FOCAD: variants seen among roughly 807,000 people sequenced by gnomAD.
The protein encoded by FOCAD is focadhesin.
A neutral mutation model predicts 225.6 loss-of-function variants in FOCAD; 198 were observed. The observed-to-expected ratio is 0.88, with a 90% confidence interval of 0.78 to 0.99. The LOEUF (loss-of-function observed/expected upper bound fraction) is 0.99. FOCAD is among the 50% of genes least tolerant of loss of function. The probability of loss-of-function intolerance (pLI) is 0.00; values close to 1 mark genes in which losing one functional copy is unlikely to be tolerated. For synonymous variants in FOCAD, 897 were observed against 755.0 expected (o/e 1.19, Z -3.08); for missense variants, 2,713 against 2,123.6 (o/e 1.28, Z -5.46).
chr9:20,730,347 A>C (rs1007847244), intron 4 of FOCAD, among the ~76,000 whole-genome samples: 13 of 152,114 alleles, frequency 8.5e-5, no homozygotes, highest in African/African-American at 3.1e-4. Context: ...CTACACCCAG[A>C]GGTATAATTT....
chr9:20,693,517 C>T lies in FOCAD; in HGVS notation c.-33+9224C>T, dbSNP rs372042039. On this transcript the variant is annotated intron_variant, in intron 1 of 43. Transcript: ENST00000338382. ...AATCTATAAGGGCAGGGATTTTTCT[C>T]TGTTTTCCCAGTGCTTAGTATAGTG... Among the ~76,000 whole-genome samples the T allele has an allele frequency of 1.3e-4, 20 of 152,268 alleles. No homozygotes were observed. The East Asian group carries it at 1.4e-3, about 10-fold the overall frequency.
chr9:20,738,896 C>T (rs1827370273), intron 4 of FOCAD, among the ~76,000 whole-genome samples: 1 of 152,056 alleles, frequency 6.6e-6, no homozygotes, highest in African/African-American at 2.4e-5. Flanking sequence ...AACATGTAAT[C>T]AATATAAAAA....
intron 11 of FOCAD, among the ~76,000 whole-genome samples, chr9:20,797,969 T>C (rs1423491308): frequency 1.3e-5 from 2 of 152,210 alleles, no homozygotes; most frequent in Non-Finnish European, 1.5e-5. Context: ...TTCAGTATGA[T>C]ATTGGCTGTG....
At chr9:20,848,249 G>T (rs1213738314) in intron 15 of FOCAD, among the ~76,000 whole-genome samples, 1 of 152,004 alleles carries the variant, frequency 6.6e-6, no homozygotes, top group Admixed American at 6.6e-5. Context: ...ATGATTTGAC[G>T]CTAATAGACT....
At chr9:20,753,682 G>A (rs1345631674) in intron 5 of FOCAD, among the ~76,000 whole-genome samples, 1 of 152,128 alleles carries the variant, frequency 6.6e-6, no homozygotes, top group Non-Finnish European at 1.5e-5. Flanking sequence ...CATAAAATGA[G>A]TTAGGGAGGA....
At chr9:20,704,048 A>G (rs900856071) in intron 1 of FOCAD, among the ~76,000 whole-genome samples, 1 of 152,188 alleles carries the variant, frequency 6.6e-6, no homozygotes. Context: ...TGTGAGCTTA[A>G]TCAGATTAAG....
chr9:20,867,045 T>C (rs1829348755), intron 18 of FOCAD, 33 bp downstream of exon 18: 2 of 1,427,142 alleles, frequency 1.4e-6, no homozygotes, highest in South Asian at 1.2e-5. Context: ...TGGTATTTCT[T>C]AATTTGCTAG....
chr9:20,725,085 A>G (rs1826080077), intron 4 of FOCAD, among the ~76,000 whole-genome samples: 1 of 152,216 alleles, frequency 6.6e-6, no homozygotes, highest in South Asian at 2.1e-4. Flanking sequence ...AGGCAGGAGA[A>G]TTGCTTGAAC....
At chr9:20,809,022 A>G (rs561406857) in intron 11 of FOCAD, among the ~76,000 whole-genome samples, 2 of 152,320 alleles carry the variant, frequency 1.3e-5, no homozygotes, top group African/African-American at 4.8e-5. Flanking sequence ...AATGTACACA[A>G]AAGCATTACG....
chr9:20,717,822 T>C lies in FOCAD; in HGVS notation c.86T>C (p.Leu29Pro). ...QAVGHLIAAVLKENGFSEKIH... is the reference protein window; with the variant it reads ...QAVGHLIAAVPKENGFSEKIH... ...GTGGGTCATCTTATTGCTGCAGTCC[T>C]AAAGGAAAATGGTTTTTCAGAAAAG... is the stretch of plus-strand genomic sequence containing the variant. Residue 29 changes from leucine (L) to proline (P), a missense_variant, in exon 3 of 44, where the codon CTA becomes CCA. Transcript: ENST00000338382. The C allele has an allele frequency of 6.2e-7, 1 of 1,612,692 alleles. No individual in the cohort carries two copies. The highest frequency in any genetic ancestry group is 1.7e-5 in the Admixed American group (1 of 60,008).
At chr9:20,664,738 C>T (rs1821845472) in intron 2 of FOCAD, among the ~76,000 whole-genome samples, 1 of 151,324 alleles carries the variant, frequency 6.6e-6, no homozygotes, top group African/African-American at 2.4e-5. Flanking sequence ...CTTAGCATCC[C>T]AATGTGCTGG....
At chr9:20,939,194 AAG>A (rs1396432947) in intron 28 of FOCAD, among the ~76,000 whole-genome samples, 1 of 149,668 alleles carries the variant, frequency 6.7e-6, no homozygotes, top group African/African-American at 2.4e-5. Flanking sequence ...TGAGTAAAGA[AAG>A]AGTTTGATGG....
chr9:20,696,788 G>A (rs980196683), intron 1 of FOCAD, among the ~76,000 whole-genome samples: 2 of 152,038 alleles, frequency 1.3e-5, no homozygotes, highest in African/African-American at 4.8e-5. Context: ...CTGGGTGACA[G>A]CAAGACTCTA....
At chr9:20,799,861 T>G (rs933663570) in intron 11 of FOCAD, among the ~76,000 whole-genome samples, 15 of 152,122 alleles carry the variant, frequency 9.9e-5, no homozygotes, top group Non-Finnish European at 2.9e-5. Context: ...AAGGTTAATA[T>G]TGTTATGTGT....
At chr9:20,899,948 C>G (rs1396413302) in intron 21 of FOCAD, among the ~76,000 whole-genome samples, 3 of 151,908 alleles carry the variant, frequency 2.0e-5, no homozygotes, top group Admixed American at 1.3e-4. Flanking sequence ...GCCTCTCTCT[C>G]TGCTCCTCTG....
intron 15 of FOCAD, among the ~76,000 whole-genome samples, chr9:20,848,412 G>T (rs1827330714): frequency 6.6e-6 from 1 of 151,960 alleles, no homozygotes; most frequent in Non-Finnish European, 1.5e-5. Context: ...TTTCTTTATG[G>T]CCAGTTTTTA....
At chr9:20,740,421 G>T (rs1827516083) in intron 5 of FOCAD, 81 bp downstream of exon 5, 1 of 814,138 alleles carries the variant, frequency 1.2e-6, no homozygotes, top group South Asian at 1.8e-5. Flanking sequence ...AATCCAGTAA[G>T]AATTAGTTAT....
At chr9:20,770,006 TATC>T in intron 7 of FOCAD, 23 bp from the exon 8 acceptor site, 2 of 1,576,638 alleles carry the variant, frequency 1.3e-6, no homozygotes, top group Non-Finnish European at 1.7e-6. Context: ...TATTTTTTAA[TATC>T]ATATAATGAC....
intron 15 of FOCAD, among the ~76,000 whole-genome samples, chr9:20,842,666 A>G (rs1047507385): frequency 6.6e-6 from 1 of 151,884 alleles, no homozygotes; most frequent in East Asian, 1.9e-4. Flanking sequence ...TTGTTTCTTC[A>G]GTCTATTCAG....
Sources: gnomAD v4.1 joint callset for allele counts (sites outside exome capture counted in the v4.1 genomes callset) on GRCh38, gnomAD v4.1.1 for gene constraint, MANE v1.5 for transcripts, NCBI Gene and HGNC (gene_info 2026-07-23, HGNC 2026-07-21) for gene names.